TF: variants seen among roughly 807,000 people sequenced by gnomAD.
TF encodes the protein transferrin, also known as serotransferrin.
TF carries 55 observed loss-of-function variants against 82.4 expected under a neutral mutation model. The observed-to-expected ratio is 0.67, with a 90% CI of 0.54 to 0.84. The LOEUF is 0.84. Among genes scored for constraint, TF ranks in the 40% least tolerant of loss-of-function variants. TF has a pLI of 0.00. For missense variants in TF, 737 were observed against 868.4 expected (o/e 0.85, Z 1.90); for synonymous variants, 332 against 332.6 (o/e 1.00, Z 0.02).
chr3:133,725,019 C>G, the TF span, among the ~76,000 whole-genome samples: 1 of 152,128 alleles, frequency 6.6e-6, no homozygotes, highest in African/African-American at 2.4e-5. Context: ...ATCTATATCT[C>G]TGTTTTGGTA....
chr3:133,770,571 G>T lies in TF; in HGVS notation c.1686G>T (p.Gly562=). Residue 562 remains glycine, a splice_region_variant and synonymous_variant, in exon 14 of 17, where the codon GGG becomes GGT. Transcript: ENST00000402696. ...ACCAGACTGTCCCACAGAACACTGG[G>T]GGTAAGTGCACCTGCTCCTCTGTCC... is the stretch of plus-strand genomic sequence containing the variant. The part of the protein sequence containing the change: ...VKHQTVPQNT[G]GKNPDPWAKN... 6.2e-7 allele frequency: 1 copy of T among 1,614,062 alleles called. No individual in the cohort carries two copies. Among genetic ancestry groups the T allele is most frequent in the Non-Finnish European group, 8.5e-7 (1 of 1,180,002 alleles).
upstream of TF, among the ~76,000 whole-genome samples, chr3:133,744,335 G>A (rs1281229193): frequency 6.6e-6 from 1 of 152,168 alleles, no homozygotes; most frequent in Non-Finnish European, 1.5e-5. Context: ...TGAGTTTGTG[G>A]CATGGGCTCA....
chr3:133,765,152 G>A (rs1934096835), intron 11 of TF, among the ~76,000 whole-genome samples: 1 of 152,156 alleles, frequency 6.6e-6, no homozygotes, highest in Non-Finnish European at 1.5e-5. Context: ...ATACACAAGT[G>A]GACCCTAAGC....
rs1576359429 is a variant in TF at position 133,757,181 on chromosome 3, G to A, written c.870+172G>A. Among the ~76,000 whole-genome samples the A allele has an allele frequency of 2.0e-5, 3 of 152,334 alleles. 1 individual carries two copies. Among genetic ancestry groups the A allele is most frequent in the African/African-American group, 4.8e-5 (2 of 41,578 alleles). On this transcript the variant is annotated intron_variant, in intron 7 of 16. Coordinates refer to ENST00000402696, the MANE Select transcript of TF (RefSeq NM_001063.4). ...CTGGGACTCCCCACAGAGCAGCAGG[G>A]AGCCTGCTGTGGTGCTACCGTCTGC... is the stretch of plus-strand genomic sequence containing the variant.
At chr3:133,713,719 G>A in the TF span, among the ~76,000 whole-genome samples, 1 of 152,138 alleles carries the variant, frequency 6.6e-6, no homozygotes, top group Non-Finnish European at 1.5e-5. Context: ...CTCAGGGTCC[G>A]GCAGTCAGCA....
chr3:133,726,859 C>T, the TF span, among the ~76,000 whole-genome samples: 2 of 151,950 alleles, frequency 1.3e-5, no homozygotes, highest in South Asian at 2.1e-4. Context: ...TATGTTGTGT[C>T]TTTGTTCTCG....
chr3:133,767,944 G>A, intron 12 of TF, 85 bp from the exon 13 acceptor site: 1 of 1,518,082 alleles, frequency 6.6e-7, no homozygotes, highest in Non-Finnish European at 9.1e-7. Context: ...TACTTATTAT[G>A]GGCCATGCAG....
chr3:133,679,599 G>A, the TF span, among the ~76,000 whole-genome samples: 2 of 76,840 alleles, frequency 2.6e-5, no homozygotes, highest in African/African-American at 1.1e-4. Context: ...TTTTTACTCA[G>A]CATAATTGTA....
At chr3:133,692,102 T>A in the TF span, among the ~76,000 whole-genome samples, 348 of 152,218 alleles carry the variant, frequency 2.3e-3, 1 homozygote, top group African/African-American at 8.2e-3. Flanking sequence ...CTATCCAGAG[T>A]CCATTGCTCA....
Position 133,793,369 on chromosome 3 carries a change from A to G in TF, c.*14749A>G, listed in dbSNP as rs1054262363. The G allele has an allele frequency of 3.3e-5, 5 of 152,140 alleles. No individual in the cohort carries two copies. The highest frequency in any genetic ancestry group is 4.4e-5 in the Non-Finnish European group (3 of 67,994). The allele number at this position is 152,140 out of a possible 1,614,324, so 9.4% of individuals were successfully genotyped here. ...ATATTTAATAGGCTTCCCAAAATCA[A>G]ATTTCAGCTTCAAAATTGTCTTTTC... On this transcript the variant is annotated 3_prime_UTR_variant, in exon 17 of 17. Coordinates refer to ENST00000402696, the MANE Select transcript of TF (RefSeq NM_001063.4).
intron 9 of TF, chr3:133,760,561 T>C (rs910035236): frequency 6.6e-6 from 1 of 152,200 alleles, no homozygotes; most frequent in Non-Finnish European, 1.5e-5. Context: ...TGTGATACAA[T>C]AGATAAAGTT....
chr3:133,680,395 A>G, the TF span, among the ~76,000 whole-genome samples: 2 of 151,850 alleles, frequency 1.3e-5, no homozygotes, highest in Non-Finnish European at 1.5e-5. Flanking sequence ...TGTAGAGACA[A>G]GTCTCACTAT....
At chr3:133,668,484 A>C in the TF span, among the ~76,000 whole-genome samples, 174 of 152,248 alleles carry the variant, frequency 1.1e-3, no homozygotes, top group Non-Finnish European at 1.6e-3. Flanking sequence ...GATACTGACC[A>C]ATGATGGCTA....
chr3:133,690,090 G>T, the TF span, among the ~76,000 whole-genome samples: 1 of 151,846 alleles, frequency 6.6e-6, no homozygotes, highest in African/African-American at 2.4e-5. Flanking sequence ...GACTCAACTT[G>T]ATTAAAAGAC....
At chr3:133,755,226 C>T in intron 4 of TF, 137 bp from the exon 5 acceptor site, 1 of 1,095,002 alleles carries the variant, frequency 9.1e-7, no homozygotes, top group Non-Finnish European at 1.4e-6. Flanking sequence ...GATGAGTTAG[C>T]ATAAGGGCAA....
chr3:133,719,454 G>A, the TF span, among the ~76,000 whole-genome samples: 19 of 152,300 alleles, frequency 1.2e-4, no homozygotes, highest in African/African-American at 2.6e-4. Context: ...GTGTGGAAGT[G>A]TTGGGCATGT....
chr3:133,764,926 C>G lies in TF; in HGVS notation c.1330+19C>G. The G allele has an allele frequency of 6.2e-7, 1 of 1,612,704 alleles. No homozygotes were observed. The highest frequency in any genetic ancestry group is 8.5e-7 in the Non-Finnish European group (1 of 1,178,770). ...GAGGCAGGTGAGTTTGAATTGGTAA[C>G]CTCTGGAGTTAAAAGATAAATTCCC... On this transcript the variant is annotated intron_variant, in intron 11 of 16. Transcript: ENST00000402696.
chr3:133,733,958 G>C, the TF span, among the ~76,000 whole-genome samples: 1 of 152,212 alleles, frequency 6.6e-6, no homozygotes, highest in African/African-American at 2.4e-5. Context: ...GGGTGAAGCA[G>C]GCAGTGGGAG....
chr3:133,788,292 G>T lies in TF; in HGVS notation c.*9672G>T, dbSNP rs533520969. On this transcript the variant is annotated 3_prime_UTR_variant, in exon 17 of 17. Transcript: ENST00000402696. ...TGACTAGGGTGTATACTAAGTAAAT[G>T]ACTTTGTAACTTTATTTCATCCTCT... 3 of 152,292 alleles carry T rather than the reference G, an allele frequency of 2.0e-5. No individual in the cohort carries two copies. Among genetic ancestry groups the T allele is most frequent in the African/African-American group, 7.2e-5 (3 of 41,560 alleles). 9.4% of individuals were successfully genotyped at this position (152,292 alleles called of 1,614,324 possible).
Sources: allele counts gnomAD v4.1 joint callset (sites outside exome capture counted in the v4.1 genomes callset), GRCh38; gene constraint gnomAD v4.1.1; transcripts MANE v1.5; gene names NCBI Gene and HGNC (gene_info 2026-07-23, HGNC 2026-07-21).